MICAL2: variants seen among roughly 807,000 people sequenced by gnomAD.
The protein encoded by MICAL2 is microtubule associated monooxygenase, calponin and LIM domain containing 2, also known as [F-actin]-monooxygenase MICAL2.
MICAL2 carries 77 observed loss-of-function variants against 127.3 expected under a neutral mutation model. That is an observed-to-expected ratio of 0.60 (90% CI 0.50 to 0.73). The LOEUF (loss-of-function observed/expected upper bound fraction) is 0.73. MICAL2 is among the 30% of genes least tolerant of loss of function. The pLI is 0.00. For missense variants in MICAL2, 1,351 were observed against 1,434.4 expected (o/e 0.94, Z 0.94); for synonymous variants, 570 against 551.1 (o/e 1.03, Z -0.48).
chr11:12,225,471 C>T (rs1444306772), intron 13 of MICAL2: 3 of 152,160 alleles, frequency 2.0e-5, no homozygotes, highest in Non-Finnish European at 4.4e-5. Flanking sequence ...AATGAGGTGG[C>T]CTTAGGAGGA....
chr11:12,242,453 C>T (rs774890734), intron 19 of MICAL2, 21 bp downstream of exon 19: 5 of 1,580,974 alleles, frequency 3.2e-6, no homozygotes, highest in South Asian at 2.3e-5. Flanking sequence ...CACTTTTTGC[C>T]CGTCTCTGTC....
rs112375324 is a variant in MICAL2 at position 12,139,974 on chromosome 11, A to G, written c.-78+1514A>G. Among the ~76,000 whole-genome samples, 1,442 of 152,254 alleles carry G rather than the reference A, an allele frequency of 9.5e-3. 21 individuals are homozygous for G. Among genetic ancestry groups the G allele is most frequent in the African/African-American group, 0.033 (1,362 of 41,544 alleles). On this transcript the variant is annotated intron_variant, in intron 2 of 27. Coordinates refer to ENST00000683283, the MANE Select transcript of MICAL2 (RefSeq NM_001282663.2). Reference sequence around the variant, plus strand: ...TTCAATCCAGGCTTGACCCAGGGCCAGGTGGGTCCTGGCTACTCTTCTGTG... The same window carrying G: ...TTCAATCCAGGCTTGACCCAGGGCCGGGTGGGTCCTGGCTACTCTTCTGTG...
In MICAL2 at chr11:12,261,795, C is replaced by T. The variant is rs565056501; in HGVS notation, c.3335-685C>T. On this transcript the variant is annotated intron_variant, in intron 26 of 27. Coordinates refer to ENST00000683283, the MANE Select transcript of MICAL2 (RefSeq NM_001282663.2). The stretch of plus-strand genomic sequence containing the variant: ...ACTGGCGCCTCTGTCCTTGTTGGCA[C>T]TGTTCTCAGTCCGATGACTTGCATT... The T allele has an allele frequency of 5.9e-5, 58 of 985,568 alleles. No individual in the cohort carries two copies. The South Asian group carries it at 1.8e-3, about 30-fold the overall frequency. The allele number at this position is 985,568 out of a possible 1,614,324, so 61.1% of individuals were successfully genotyped here. A position where few individuals can be genotyped will look rare whatever the true frequency, so the allele number is the denominator to read the frequency against.
intron 33 of MICAL2, among the ~76,000 whole-genome samples, chr11:12,352,430 G>A (rs950130110): frequency 1.3e-5 from 2 of 152,152 alleles, no homozygotes; most frequent in Non-Finnish European, 2.9e-5. Flanking sequence ...GCGACAGAAG[G>A]GTCTGCCTGA....
chr11:12,271,029 A>G (rs1863669219), intron 24 of MICAL2, among the ~76,000 whole-genome samples: 1 of 152,136 alleles, frequency 6.6e-6, no homozygotes, highest in African/African-American at 2.4e-5. Flanking sequence ...GTGAGGACAG[A>G]CGTTTCCCCA....
chr11:12,296,424 A>G (rs1462535691), downstream of MICAL2, among the ~76,000 whole-genome samples: 1 of 151,410 alleles, frequency 6.6e-6, no homozygotes, highest in African/African-American at 2.4e-5. Context: ...CTGCAGTATA[A>G]CTCTTAAACA....
chr11:12,132,791 A>G (rs1465901689), intron 1 of MICAL2, among the ~76,000 whole-genome samples: 1 of 152,232 alleles, frequency 6.6e-6, no homozygotes. Context: ...CACAGTTCCC[A>G]GTTTAATTCT....
chr11:12,301,831 C>A (rs747585731), intron 29 of MICAL2, among the ~76,000 whole-genome samples: 10 of 152,168 alleles, frequency 6.6e-5, no homozygotes, highest in African/African-American at 1.4e-4. Flanking sequence ...TGGCCCTATC[C>A]TTCCGATGAT....
chr11:12,265,764 A>G (rs77090832), downstream of MICAL2, among the ~76,000 whole-genome samples: 12,562 of 152,280 alleles, frequency 0.082, 954 homozygotes, highest in African/African-American at 0.19. Flanking sequence ...CACTAAAAAG[A>G]AAAAGCAAGC....
intron 22 of MICAL2, chr11:12,255,086 T>C (rs1352851743): frequency 6.5e-6 from 1 of 153,374 alleles, no homozygotes; most frequent in African/African-American, 2.4e-5. Flanking sequence ...GCCTGGCTAA[T>C]TTTGTGTTTT....
intron 32 of MICAL2, among the ~76,000 whole-genome samples, chr11:12,328,589 A>G (rs1159593779): frequency 6.6e-6 from 1 of 152,156 alleles, no homozygotes. Flanking sequence ...GAAATCTTCC[A>G]GTAGGGGTGT....
chr11:12,267,713 T>C (rs1039931438), downstream of MICAL2, among the ~76,000 whole-genome samples: 2 of 152,210 alleles, frequency 1.3e-5, no homozygotes, highest in Admixed American at 6.5e-5. Flanking sequence ...GTGATTCTTA[T>C]GCCTCAGCCA....
chr11:12,262,997 CA>C (rs1863337385), intron 27 of MICAL2: 1 of 158,800 alleles, frequency 6.3e-6, no homozygotes, highest in South Asian at 1.9e-4. Context: ...TGTCATTTAT[CA>C]AAACCATAGG....
At chr11:12,357,078 G>A (rs1029676174) in intron 34 of MICAL2, among the ~76,000 whole-genome samples, 2 of 152,132 alleles carry the variant, frequency 1.3e-5, no homozygotes, top group African/African-American at 4.8e-5. Context: ...TAAAACTTGA[G>A]GTGCAGTGGG....
chr11:12,258,647 C>T (rs111573178), intron 25 of MICAL2, 91 bp downstream of exon 25: 1 of 1,184,924 alleles, frequency 8.4e-7, no homozygotes, highest in Admixed American at 2.0e-5. Flanking sequence ...CTTTGCTGGC[C>T]CTAGAGGGAT....
chr11:12,274,109 T>G (rs139312505), upstream of MICAL2, among the ~76,000 whole-genome samples: 168 of 152,206 alleles, frequency 1.1e-3, no homozygotes, highest in African/African-American at 4.0e-3. Context: ...ACAGGAAAGA[T>G]TCAGTAGACA....
intron 3 of MICAL2, among the ~76,000 whole-genome samples, chr11:12,164,157 C>T (rs1292580635): frequency 1.3e-5 from 2 of 151,968 alleles, no homozygotes; most frequent in Non-Finnish European, 2.9e-5. Context: ...ATTTTACAAG[C>T]TTTGGTAGCT....
chr11:12,190,064 C>T (rs546486322), intron 3 of MICAL2, among the ~76,000 whole-genome samples: 1 of 152,270 alleles, frequency 6.6e-6, no homozygotes, highest in Non-Finnish European at 1.5e-5. Flanking sequence ...GTAAGGTGAC[C>T]CACATGGAGT....
chr11:12,255,787 C>G, intron 23 of MICAL2, 37 bp downstream of exon 23: 2 of 1,544,128 alleles, frequency 1.3e-6, no homozygotes, highest in Non-Finnish European at 1.8e-6. Flanking sequence ...CCCACAGACA[C>G]TGGCTCTGGC....
Sources: allele counts gnomAD v4.1 joint callset (sites outside exome capture counted in the v4.1 genomes callset), GRCh38; gene constraint gnomAD v4.1.1; transcripts MANE v1.5; gene names NCBI Gene and HGNC (gene_info 2026-07-23, HGNC 2026-07-21).